Variants in ZFHX3 observed in about 807,000 individuals in gnomAD.
ZFHX3 encodes zinc finger homeobox protein 3.
In ZFHX3, 42 loss-of-function variants were observed where a neutral mutation model predicts 279.1. The ratio of observed to expected loss-of-function variants is 0.15; its 90% confidence interval spans 0.12 to 0.19. ZFHX3 has a LOEUF of 0.19. Among genes scored for constraint, ZFHX3 ranks in the 10% least tolerant of loss-of-function variants. The pLI is 1.00. For missense variants in ZFHX3, 4,981 were observed against 4,754.0 expected (o/e 1.05, Z -1.40); for synonymous variants, 2,293 against 1,957.8 (o/e 1.17, Z -4.52).
intron 7 of ZFHX3, among the ~76,000 whole-genome samples, chr16:73,114,267 T>A (rs1188485096): frequency 6.6e-6 from 1 of 152,146 alleles, no homozygotes; most frequent in Non-Finnish European, 1.5e-5. Context: ...GTTACTCATT[T>A]TCTGAGGCTA....
At position 73,858,626 on chromosome 16, in the gene ZFHX3, G is replaced by A. The variant is rs181002829; in HGVS notation, c.-1608+33025C>T. Among the ~76,000 whole-genome samples, 166 of 152,288 alleles carry A rather than the reference G, an allele frequency of 1.1e-3. 1 individual carries two copies. Among genetic ancestry groups the A allele is most frequent in the South Asian group, 1.9e-3 (9 of 4,828 alleles). ...AGTGTCTTGTAAATAGATGACATAT[G>A]GGTTAATCTAGCATTTGCATTTGGG... On this transcript the variant is annotated intron_variant, in intron 1 of 17. Coordinates refer to the ZFHX3 transcript ENST00000641206.
At chr16:73,835,954 G>A (rs1418648363) in intron 1 of ZFHX3, among the ~76,000 whole-genome samples, 5 of 152,086 alleles carry the variant, frequency 3.3e-5, no homozygotes, top group Non-Finnish European at 7.4e-5. Context: ...ATTCAAAAGG[G>A]CCACAAAAGA....
chr16:73,794,827 T>C (rs1381562365), intron 1 of ZFHX3, among the ~76,000 whole-genome samples: 1 of 152,136 alleles, frequency 6.6e-6, no homozygotes. Flanking sequence ...TGATCATACC[T>C]CCCCCATCCA....
At chr16:73,808,044 T>G (rs1960330738) in intron 1 of ZFHX3, among the ~76,000 whole-genome samples, 1 of 152,108 alleles carries the variant, frequency 6.6e-6, no homozygotes, top group African/African-American at 2.4e-5. Context: ...GCTAGAGGGC[T>G]TACACTCAGA....
intron 7 of ZFHX3, among the ~76,000 whole-genome samples, chr16:72,811,003 C>T (rs1448159174): frequency 6.6e-6 from 1 of 152,140 alleles, no homozygotes; most frequent in Admixed American, 6.5e-5. Flanking sequence ...AATTCAGCCT[C>T]CCAAGTAGCT....
intron 4 of ZFHX3, among the ~76,000 whole-genome samples, chr16:73,280,508 T>C (rs2014429784): frequency 6.6e-6 from 1 of 152,026 alleles, no homozygotes; most frequent in African/African-American, 2.4e-5. Context: ...GGAAAAGGTG[T>C]TTACCATCAT....
rs776196847 is a variant in ZFHX3 at position 72,958,985 on chromosome 16, G to C, written c.1161C>G (p.Pro387=). The change falls in exon 2 of 10, where the codon CCC becomes CCG. Residue 387 remains proline (P), a synonymous_variant. Transcript: ENST00000268489. ...TCAAGAGACCAGCCTGGGGCTGCTC[G>C]GGGCCAGCGGCGGAGCCCGCTGGGA... is the stretch of plus-strand genomic sequence containing the variant. ...EALPAGSAAG[P]EQPQAGLLTP... The C allele has an allele frequency of 1.2e-6, 2 of 1,606,142 alleles. No homozygotes were observed. Among genetic ancestry groups the C allele is most frequent in the Non-Finnish European group, 1.7e-6 (2 of 1,176,440 alleles).
At chr16:73,811,190 T>C (rs1021081315) in intron 1 of ZFHX3, among the ~76,000 whole-genome samples, 1 of 152,204 alleles carries the variant, frequency 6.6e-6, no homozygotes, top group Non-Finnish European at 1.5e-5. Context: ...TCTGTTGTGA[T>C]GAAAACCAAG....
At chr16:73,476,025 G>C (rs1200413981) in intron 2 of ZFHX3, among the ~76,000 whole-genome samples, 1 of 152,050 alleles carries the variant, frequency 6.6e-6, no homozygotes, top group Non-Finnish European at 1.5e-5. Flanking sequence ...TCGTAATTTT[G>C]AACAGGAAAT....
chr16:72,829,989 C>T (rs1276663738), intron 4 of ZFHX3, 130 bp from the exon 5 acceptor site: 2 of 911,228 alleles, frequency 2.2e-6, no homozygotes, highest in Non-Finnish European at 3.4e-6. Flanking sequence ...TTTCCAGAGG[C>T]CCCTGGGAGA....
At chr16:73,392,674 C>T (rs923949441) in intron 3 of ZFHX3, among the ~76,000 whole-genome samples, 1 of 151,984 alleles carries the variant, frequency 6.6e-6, no homozygotes, top group African/African-American at 2.4e-5. Context: ...AATAAAATTC[C>T]TATTGAAATG....
intron 5 of ZFHX3, among the ~76,000 whole-genome samples, chr16:73,212,273 C>T (rs1046826875): frequency 3.9e-5 from 6 of 152,136 alleles, no homozygotes; most frequent in Admixed American, 1.3e-4. Flanking sequence ...TCTATACACC[C>T]TTTTTTAAAT....
chr16:72,788,485 G>C lies in ZFHX3; in HGVS notation c.9791C>G (p.Ala3264Gly), dbSNP rs761075641. 1.9e-6 allele frequency: 3 copies of C among 1,614,066 alleles called. No homozygotes were observed. The Admixed American group carries it at 5.0e-5, about 27-fold the overall frequency. Reference sequence around the variant, plus strand: ...GATCGTGGCTGCAGTTGCCGTGGGGGCCTCTCCTTTCTCCTTCTTGGGGAC... The same window carrying C: ...GATCGTGGCTGCAGTTGCCGTGGGGCCCTCTCCTTTCTCCTTCTTGGGGAC... ...LPVPKKEKGE[A>G]PTATAATISA... Residue 3264 changes from alanine to glycine, a missense_variant, in exon 10 of 10, where the codon GCC (alanine) becomes GGC (glycine). Ala to Gly is a moderately conservative substitution (Grantham distance 60, BLOSUM62 0). This residue lies in a region of ZFHX3 where 1,034 missense variants were observed against 786.0 expected (regional missense o/e 1.32). Transcript: ENST00000268489.
chr16:73,254,238 C>T (rs570984357), intron 5 of ZFHX3, among the ~76,000 whole-genome samples: 6 of 152,256 alleles, frequency 3.9e-5, no homozygotes, highest in Middle Eastern at 3.4e-3. Context: ...CACTTCTTAC[C>T]GGATCCATCC....
intron 1 of ZFHX3, among the ~76,000 whole-genome samples, chr16:73,019,058 G>C (rs1302471096): frequency 6.6e-6 from 1 of 152,212 alleles, no homozygotes; most frequent in Non-Finnish European, 1.5e-5. Flanking sequence ...GTCACTGGAT[G>C]AAAGAATAAA....
At chr16:73,621,265 TTGCCAAAC>T (rs1202687461) in intron 2 of ZFHX3, among the ~76,000 whole-genome samples, 1 of 152,188 alleles carries the variant, frequency 6.6e-6, no homozygotes, top group Non-Finnish European at 1.5e-5. Context: ...CATTTAAAAT[TTGCCAAAC>T]TGCCAAATTT....
At chr16:73,385,145 T>A (rs2016876366) in intron 3 of ZFHX3, among the ~76,000 whole-genome samples, 1 of 152,190 alleles carries the variant, frequency 6.6e-6, no homozygotes, top group African/African-American at 2.4e-5. Flanking sequence ...TTGGTGACTT[T>A]GTTTAGGCTC....
chr16:73,862,729 A>G (rs1961915592), intron 1 of ZFHX3, among the ~76,000 whole-genome samples: 1 of 152,078 alleles, frequency 6.6e-6, no homozygotes. Flanking sequence ...GAGAGCTGTG[A>G]TCACGCCACT....
chr16:73,165,505 T>C (rs1327044661), intron 5 of ZFHX3, among the ~76,000 whole-genome samples: 1 of 152,118 alleles, frequency 6.6e-6, no homozygotes, highest in Non-Finnish European at 1.5e-5. Flanking sequence ...AGGAATCAGA[T>C]ATTGGCAGAA....
Sources: gnomAD v4.1 joint callset for allele counts (sites outside exome capture counted in the v4.1 genomes callset) on GRCh38, gnomAD v4.1.1 for gene constraint, gnomAD v4.1.1 regional missense constraint, MANE v1.5 for transcripts, NCBI Gene and HGNC (gene_info 2026-07-23, HGNC 2026-07-21) for gene names.